The following MKNK2 variants were observed in gnomAD, a reference collection of about 807,000 sequenced individuals.
MKNK2 encodes the protein MAP kinase-interacting serine/threonine-protein kinase 2.
A neutral mutation model predicts 55.0 loss-of-function variants in MKNK2; 54 were observed. That is an observed-to-expected ratio of 0.98 (90% CI 0.79 to 1.23). The LOEUF is 1.23. Ranked by LOEUF, MKNK2 falls within the 50% of genes most tolerant of loss-of-function variation. MKNK2 has a pLI of 0.00. For synonymous variants in MKNK2, 323 were observed against 256.0 expected, an observed-to-expected ratio of 1.26 and a Z score of -2.50; for missense variants, 685 against 632.1, an observed-to-expected ratio of 1.08 and a Z score of -0.90.
rs1010188373 is a variant in MKNK2, at chr19:2,039,358, C to A, written c.*255G>T. 1.9e-5 allele frequency: 26 copies of A among 1,369,090 alleles called. No individual in the cohort carries two copies. The African/African-American group carries it at 3.5e-4, about 18-fold the overall frequency. The allele number at this position is 1,369,090 out of a possible 1,614,324, so 84.8% of individuals were successfully genotyped here. A position where few individuals can be genotyped will look rare whatever the true frequency, so the allele number is the denominator to read the frequency against. On this transcript the variant is annotated 3_prime_UTR_variant, in exon 14 of 14. Transcript: ENST00000250896. ...GGAGGGGACAAGCCCACCCACCTACCCTCTGCTCACCTTCCCGGGTGCCTG... is the reference window on the plus strand; with the variant it reads ...GGAGGGGACAAGCCCACCCACCTACACTCTGCTCACCTTCCCGGGTGCCTG...
chr19:2,040,088 C>A, intron 13 of MKNK2, 46 bp downstream of exon 13: 6 of 1,554,836 alleles, frequency 3.9e-6, no homozygotes, highest in Non-Finnish European at 5.2e-6. Context: ...ACCTGGAAAC[C>A]CCGCCCCCTG....
At chr19:2,040,681 G>A (rs2016857564) in intron 12 of MKNK2, 1 of 332,876 alleles carries the variant, frequency 3.0e-6, no homozygotes, top group South Asian at 4.1e-5. Context: ...GCCACACAGG[G>A]AAGGGTGGAG....
At position 2,039,908 on chromosome 19, in the gene MKNK2, C is replaced by T. The variant is rs555754957; in HGVS notation, c.1155-52G>A. 8 of 1,553,982 alleles carry T rather than the reference C, an allele frequency of 5.1e-6. No individual in the cohort carries two copies. The South Asian group carries it at 9.5e-5, about 18-fold the overall frequency. On this transcript the variant is annotated intron_variant, in intron 13 of 13. Transcript: ENST00000250896. ...TCACCAAGAGGCACCCCTCAGGGGA[C>T]CCCTGGGGTCTGTGAAGGCCCTGGG... is the stretch of plus-strand genomic sequence containing the variant.
intron 10 of MKNK2, 31 bp downstream of exon 10, chr19:2,042,396 C>G (rs2016908485): frequency 6.5e-7 from 1 of 1,543,096 alleles, no homozygotes; most frequent in Non-Finnish European, 8.8e-7. Context: ...AGCAGGCGGC[C>G]GAGCCCCCAG....
At position 2,042,863 on chromosome 19, in the gene MKNK2, G is replaced by T; in HGVS notation, c.501C>A (p.Ile167=). The T allele has an allele frequency of 6.4e-7, 1 of 1,570,478 alleles. No homozygotes were observed. Among genetic ancestry groups the T allele is most frequent in the East Asian group, 2.4e-5 (1 of 42,424 alleles). The change falls in exon 8 of 14, where the codon ATC becomes ATA. Residue 167 remains isoleucine (I), a synonymous_variant. Transcript: ENST00000250896. ...LVFEKMRGGS[I]LSHIHKRRHF... is the part of the protein sequence containing the mutation. ...GCCGGCGCTTGTGGATGTGGCTCAG[G>T]ATGGAGCCTGGGCAGGGCAGGGCAG...
Position 2,038,740 on chromosome 19 carries a change from T to C in MKNK2, c.*873A>G. On this transcript the variant is annotated 3_prime_UTR_variant, in exon 14 of 14. Coordinates refer to ENST00000250896, the MANE Select transcript of MKNK2 (RefSeq NM_199054.3). ...GGCACTCGGGTGCCCCAAGGGGGTG[T>C]CTTCAGGACCCCCCACATTGGCTGA... is the stretch of plus-strand genomic sequence containing the variant. 1.0e-5 allele frequency: 10 copies of C among 985,414 alleles called. No individual in the cohort carries two copies. The highest frequency in any genetic ancestry group is 1.2e-5 in the Non-Finnish European group (10 of 829,898). The allele number at this position is 985,414 out of a possible 1,614,324, so 61.0% of individuals were successfully genotyped here. A position where few individuals can be genotyped will look rare whatever the true frequency, so the allele number is the denominator to read the frequency against.
chr19:2,039,539 CT>C lies in MKNK2; in HGVS notation c.*73del. 1 of 1,508,470 alleles carries C rather than the reference CT, an allele frequency of 6.6e-7. No individual in the cohort carries two copies. Among genetic ancestry groups the C allele is most frequent in the South Asian group, 1.3e-5 (1 of 78,950 alleles). The allele number at this position is 1,508,470 out of a possible 1,614,324, so 93.4% of individuals were successfully genotyped here. A position where few individuals can be genotyped will look rare whatever the true frequency, so the allele number is the denominator to read the frequency against. The stretch of plus-strand genomic sequence containing the variant: ...GGAGGGGCAGCCCGCTGGACACCGG[CT>C]GGCGATAGCTTAAAAAACCTTTAGA... On this transcript the variant is annotated 3_prime_UTR_variant, in exon 14 of 14. Coordinates refer to ENST00000250896, the MANE Select transcript of MKNK2 (RefSeq NM_199054.3).
At chr19:2,040,680 G>A in intron 12 of MKNK2, 1 of 331,526 alleles carries the variant, frequency 3.0e-6, no homozygotes, top group Non-Finnish European at 5.6e-6. Context: ...GGCCACACAG[G>A]GAAGGGTGGA....
chr19:2,040,318 C>T (rs908513746), intron 12 of MKNK2, 141 bp from the exon 13 acceptor site: 7 of 743,214 alleles, frequency 9.4e-6, no homozygotes, highest in African/African-American at 5.4e-5. Flanking sequence ...CTGGGTGCCC[C>T]GGGAGCCAAG....
chr19:2,041,669 G>C (rs1173454498), intron 11 of MKNK2, among the ~76,000 whole-genome samples, 171 bp downstream of exon 11: 1 of 151,936 alleles, frequency 6.6e-6, no homozygotes, highest in East Asian at 1.9e-4. Flanking sequence ...GTAGGTCCCC[G>C]GGGGTCTGGG....
intron 12 of MKNK2, 48 bp from the exon 13 acceptor site, chr19:2,040,225 C>G: frequency 6.7e-7 from 1 of 1,491,332 alleles, no homozygotes; most frequent in Non-Finnish European, 9.0e-7. Flanking sequence ...GCTGGGGCCG[C>G]CTGGGGCGCT....
At chr19:2,041,793 C>CG in intron 11 of MKNK2, 47 bp downstream of exon 11, 3 of 1,450,788 alleles carry the variant, frequency 2.1e-6, no homozygotes, top group Non-Finnish European at 2.7e-6. Context: ...AGGGCAGGCC[C>CG]GGGGGAGGAG....
intron 3 of MKNK2, 59 bp from the exon 4 acceptor site, chr19:2,046,527 C>T: frequency 1.3e-6 from 2 of 1,562,042 alleles, no homozygotes; most frequent in East Asian, 2.4e-5. Flanking sequence ...CCGGCCCCCA[C>T]CCCCCTGCAG....
intron 2 of MKNK2, among the ~76,000 whole-genome samples, chr19:2,047,310 G>A (rs1275602017): frequency 6.6e-6 from 1 of 152,196 alleles, no homozygotes; most frequent in East Asian, 1.9e-4. Context: ...CAGTGCCCAG[G>A]ACAGCCCCAC....
At position 2,039,673 on chromosome 19, in the gene MKNK2, C is replaced by G; in HGVS notation, c.1338G>C (p.Gln446His). Residue 446 changes from glutamine (Q) to histidine (H), a missense_variant, in exon 14 of 14, where the codon CAG becomes CAC. Transcript: ENST00000250896. ...AGGACAGACTGGCCCTTTGCCGCCG[C>G]TGCGCCAGCTTGGACTGGGAGGGTG... ...LSPPSQSKLAQRRQRASLSSA... is the reference protein window; with the variant it reads ...LSPPSQSKLAHRRQRASLSSA... The G allele has an allele frequency of 6.2e-7, 1 of 1,613,292 alleles. No individual in the cohort carries two copies. Among genetic ancestry groups the G allele is most frequent in the Non-Finnish European group, 8.5e-7 (1 of 1,179,978 alleles).
chr19:2,040,080 C>T, intron 13 of MKNK2, 54 bp downstream of exon 13: 1 of 1,542,372 alleles, frequency 6.5e-7, no homozygotes, highest in Non-Finnish European at 8.8e-7. Flanking sequence ...ATGTCTTAAC[C>T]TGGAAACCCC....
intron 5 of MKNK2, among the ~76,000 whole-genome samples, chr19:2,044,672 A>G (rs1294527957): frequency 6.6e-6 from 1 of 152,234 alleles, no homozygotes; most frequent in Non-Finnish European, 1.5e-5. Flanking sequence ...CTATACTGAC[A>G]GACAACACTG....
Position 2,050,855 on chromosome 19 carries a change from CT to C in MKNK2, c.-5del, listed in dbSNP as rs2017102089. On this transcript the variant is annotated 5_prime_UTR_variant, in exon 2 of 14. Coordinates refer to ENST00000250896, the MANE Select transcript of MKNK2 (RefSeq NM_199054.3). Reference sequence around the variant, plus strand: ...CGGCTGGTTTCTTCTGCACCATCTTCTGTCCGGGCCCCGCCAGCGGGGGAGG... The same window carrying C: ...CGGCTGGTTTCTTCTGCACCATCTTCGTCCGGGCCCCGCCAGCGGGGGAGG... 2 of 1,521,590 alleles carry C rather than the reference CT, an allele frequency of 1.3e-6. No homozygotes were observed. The highest frequency in any genetic ancestry group is 1.4e-5 in the African/African-American group (1 of 69,472). The allele number at this position is 1,521,590 out of a possible 1,614,324, so 94.3% of individuals were successfully genotyped here. A position where few individuals can be genotyped will look rare whatever the true frequency, so the allele number is the denominator to read the frequency against.
Position 2,046,246 on chromosome 19 carries a change from G to A in MKNK2, c.279C>T (p.Gly93=), listed in dbSNP as rs745529929. Residue 93 remains glycine, a synonymous_variant, in exon 5 of 14, where the codon GGC becomes GGT. Transcript: ENST00000250896. ...YQLQEDVLGE[G]AHARVQTCIN... ...TGCAGGTCTGCACTCGGGCATGAGCGCCCTCCCCCAGCACATCTTCCTGCA... is the reference window on the plus strand; with the variant it reads ...TGCAGGTCTGCACTCGGGCATGAGCACCCTCCCCCAGCACATCTTCCTGCA... 8.1e-6 allele frequency: 13 copies of A among 1,606,122 alleles called. No individual in the cohort carries two copies. The highest frequency in any genetic ancestry group is 2.2e-5 in the East Asian group (1 of 44,888).
Sources: gnomAD v4.1 joint callset for allele counts (sites outside exome capture counted in the v4.1 genomes callset) on GRCh38, gnomAD v4.1.1 for gene constraint, MANE v1.5 for transcripts, NCBI Gene and HGNC (gene_info 2026-07-23, HGNC 2026-07-21) for gene names.